Variants in PDS5B observed in about 807,000 individuals in gnomAD.
PDS5B encodes the protein PDS5 cohesin associated factor B.
A neutral mutation model predicts 184.1 loss-of-function variants in PDS5B; 51 were observed. The observed-to-expected ratio is 0.28, with a 90% CI of 0.22 to 0.35. PDS5B has a LOEUF of 0.35. PDS5B is among the 10% of genes least tolerant of loss of function. The pLI is 1.00. For synonymous variants in PDS5B, 566 were observed against 569.2 expected (o/e 0.99, Z 0.08); for missense variants, 1,180 against 1,723.3 (o/e 0.68, Z 5.58).
In PDS5B at chr13:32,764,562, A is replaced by G. The variant is rs1424382780; in HGVS notation, c.3592A>G (p.Ser1198Gly). The G allele has an allele frequency of 6.2e-7, 1 of 1,602,428 alleles. No individual in the cohort carries two copies. Among genetic ancestry groups the G allele is most frequent in the East Asian group, 2.3e-5 (1 of 44,304 alleles). Residue 1198 changes from serine to glycine, a missense_variant, in exon 31 of 35, where the codon AGT becomes GGT. Ser to Gly is a moderately conservative substitution (Grantham distance 56, BLOSUM62 0). Coordinates refer to ENST00000315596, the MANE Select transcript of PDS5B (RefSeq NM_015032.4). ...GTCTTCACCTTTGCCGGGGAAAAAA[A>G]GTGACAAGAGAGACGACTCTGATCT... is the stretch of plus-strand genomic sequence containing the variant. ...TMSSPLPGKK[S>G]DKRDDSDLVR...
intron 21 of PDS5B, among the ~76,000 whole-genome samples, chr13:32,737,574 T>C (rs1014370718): frequency 6.6e-6 from 1 of 152,220 alleles, no homozygotes; most frequent in Non-Finnish European, 1.5e-5. Context: ...ACTGCTTTGG[T>C]AGCTGTCTGT....
intron 1 of PDS5B, among the ~76,000 whole-genome samples, chr13:32,645,807 C>T (rs1950204535): frequency 6.6e-6 from 1 of 152,200 alleles, no homozygotes; most frequent in Non-Finnish European, 1.5e-5. Context: ...ACTTGTGTAA[C>T]TAGCATCTTA....
intron 23 of PDS5B, 32 bp from the exon 24 acceptor site, chr13:32,745,945 G>A: frequency 6.5e-7 from 1 of 1,546,008 alleles, no homozygotes; most frequent in Non-Finnish European, 8.9e-7. Flanking sequence ...TATTTTAAAT[G>A]CTAATCTATA....
At chr13:32,759,007 C>T (rs1045949345) in intron 28 of PDS5B, among the ~76,000 whole-genome samples, 2 of 152,000 alleles carry the variant, frequency 1.3e-5, no homozygotes, top group African/African-American at 2.4e-5. Flanking sequence ...TATGAGGAAA[C>T]AAGCAGAGAA....
chr13:32,770,582 C>T (rs1290230531), intron 32 of PDS5B, 22 bp downstream of exon 32: 2 of 1,601,404 alleles, frequency 1.2e-6, no homozygotes, highest in Non-Finnish European at 1.7e-6. Context: ...TAACTCTAAA[C>T]TGCATCTGTT....
chr13:32,669,876 C>G (rs1370271973), intron 7 of PDS5B, among the ~76,000 whole-genome samples: 2 of 152,088 alleles, frequency 1.3e-5, no homozygotes, highest in Non-Finnish European at 2.9e-5. Flanking sequence ...TTTTTGTCTA[C>G]TTATGTTTCC....
chr13:32,738,183 T>C (rs1390308678), intron 21 of PDS5B, among the ~76,000 whole-genome samples: 2 of 152,230 alleles, frequency 1.3e-5, no homozygotes, highest in African/African-American at 4.8e-5. Context: ...TGAATGTTTC[T>C]ATTGAAGCCC....
At chr13:32,734,386 A>G (rs530611495) in intron 20 of PDS5B, among the ~76,000 whole-genome samples, 12 of 152,298 alleles carry the variant, frequency 7.9e-5, no homozygotes, top group Non-Finnish European at 1.3e-4. Flanking sequence ...GAGCTTGTTC[A>G]TTCTTTTATC....
chr13:32,759,480 C>T, intron 28 of PDS5B, 148 bp from the exon 29 acceptor site: 1 of 460,606 alleles, frequency 2.2e-6, no homozygotes, highest in South Asian at 5.1e-5. Context: ...AACCTTATTA[C>T]AGTAGTTAAA....
At chr13:32,612,775 A>C (rs1042213459) in intron 1 of PDS5B, among the ~76,000 whole-genome samples, 1 of 152,192 alleles carries the variant, frequency 6.6e-6, no homozygotes, top group Admixed American at 6.5e-5. Context: ...GCCTTCCACC[A>C]TATTATGTGG....
intron 1 of PDS5B, among the ~76,000 whole-genome samples, chr13:32,637,037 G>T (rs984350664): frequency 2.6e-5 from 4 of 152,188 alleles, no homozygotes; most frequent in African/African-American, 9.7e-5. Context: ...TGACTGGAGT[G>T]TAATGAGCAA....
chr13:32,738,516 A>C (rs1169970470), intron 21 of PDS5B, among the ~76,000 whole-genome samples: 1 of 151,970 alleles, frequency 6.6e-6, no homozygotes, highest in Non-Finnish European at 1.5e-5. Flanking sequence ...TTTACCTTTT[A>C]TTCCCCTTGG....
At chr13:32,589,393 GGTTAGC>G (rs2140454682) in intron 1 of PDS5B, among the ~76,000 whole-genome samples, 1 of 152,198 alleles carries the variant, frequency 6.6e-6, no homozygotes, top group Non-Finnish European at 1.5e-5. Flanking sequence ...AAAGTTTTGT[GGTTAGC>G]CGTCTGTTTC....
intron 17 of PDS5B, among the ~76,000 whole-genome samples, chr13:32,705,527 C>T (rs1252938123): frequency 1.3e-5 from 2 of 151,996 alleles, no homozygotes; most frequent in East Asian, 3.9e-4. Flanking sequence ...TTCGTAGAAG[C>T]ATATTTACTA....
At chr13:32,748,359 A>G (rs1953837901) in intron 24 of PDS5B, among the ~76,000 whole-genome samples, 1 of 151,866 alleles carries the variant, frequency 6.6e-6, no homozygotes, top group Non-Finnish European at 1.5e-5. Flanking sequence ...GGGCTTCATT[A>G]TATTTGACAC....
chr13:32,692,710 A>C (rs1175883805), intron 13 of PDS5B, among the ~76,000 whole-genome samples: 1 of 151,948 alleles, frequency 6.6e-6, no homozygotes, highest in Non-Finnish European at 1.5e-5. Context: ...ACTAATATTA[A>C]ATAGAGATTT....
rs200858760 is a variant in PDS5B at position 32,727,630 on chromosome 13, A to G, written c.2124-4471A>G. On this transcript the variant is annotated intron_variant, in intron 19 of 34. Coordinates refer to ENST00000315596, the MANE Select transcript of PDS5B (RefSeq NM_015032.4). ...AATGTTTAAAAGATGTCACTCCATT[A>G]TCTTCCGGATTGCAGATTCTGATGA... Among the ~76,000 whole-genome samples, 3 of 152,226 alleles carry G rather than the reference A, an allele frequency of 2.0e-5. No homozygotes were observed. In the East Asian group the frequency reaches 5.8e-4, roughly 29 times the overall value.
At chr13:32,728,757 A>C (rs1053058488) in intron 19 of PDS5B, among the ~76,000 whole-genome samples, 6 of 152,158 alleles carry the variant, frequency 3.9e-5, no homozygotes, top group African/African-American at 1.4e-4. Context: ...CCTGTTCCCT[A>C]GTGTCTGAAA....
chr13:32,676,191 T>C (rs1951058653), intron 9 of PDS5B, among the ~76,000 whole-genome samples: 1 of 152,208 alleles, frequency 6.6e-6, no homozygotes, highest in South Asian at 2.1e-4. Flanking sequence ...TCTCTTATGG[T>C]ATTATGACCA....
Sources: gnomAD v4.1 joint callset for allele counts (sites outside exome capture counted in the v4.1 genomes callset) on GRCh38, gnomAD v4.1.1 for gene constraint, MANE v1.5 for transcripts, NCBI Gene and HGNC (gene_info 2026-07-23, HGNC 2026-07-21) for gene names.